The following KLHL29 variants were observed in gnomAD, a reference collection of about 807,000 sequenced individuals.
KLHL29 encodes kelch like family member 29, also known as kelch-like protein 29.
KLHL29 carries 21 observed loss-of-function variants against 80.4 expected under a neutral mutation model. The observed-to-expected ratio is 0.26, with a 90% CI of 0.19 to 0.38. The LOEUF (loss-of-function observed/expected upper bound fraction) is 0.38, where lower values mean the gene tolerates loss of function less well. Among genes scored for constraint, KLHL29 ranks in the 10% least tolerant of loss-of-function variants. The probability of loss-of-function intolerance (pLI) is 1.00; values close to 1 mark genes in which losing one functional copy is unlikely to be tolerated. For missense variants in KLHL29, 867 were observed against 1,223.9 expected (o/e 0.71, Z 4.35); for synonymous variants, 511 against 526.8 (o/e 0.97, Z 0.41).
chr2:23,511,661 A>G (rs1665775367), intron 2 of KLHL29, among the ~76,000 whole-genome samples: 1 of 152,218 alleles, frequency 6.6e-6, no homozygotes, highest in Non-Finnish European at 1.5e-5. Flanking sequence ...TTATCAAAAC[A>G]CAAATTTTGT....
chr2:23,403,668 A>G (rs1034621560), intron 1 of KLHL29, among the ~76,000 whole-genome samples: 16 of 152,112 alleles, frequency 1.1e-4, no homozygotes, highest in African/African-American at 3.6e-4. Context: ...GATGAAAACA[A>G]TAATACATCC....
At chr2:23,660,073 C>T (rs1192135848) in intron 5 of KLHL29, among the ~76,000 whole-genome samples, 1 of 152,172 alleles carries the variant, frequency 6.6e-6, no homozygotes, top group Admixed American at 6.5e-5. Flanking sequence ...CTCCAGAAAA[C>T]TTCCCTGGAC....
rs930934030 is a variant in KLHL29 at position 23,693,638 on chromosome 2, C to T, written c.1542+110C>T. The T allele has an allele frequency of 8.5e-6, 10 of 1,175,352 alleles. No individual in the cohort carries two copies. The African/African-American group carries it at 1.5e-4, about 18-fold the overall frequency. 72.8% of individuals were successfully genotyped at this position (1,175,352 alleles called of 1,614,324 possible). On this transcript the variant is annotated intron_variant, in intron 8 of 13. Transcript: ENST00000486442. ...GTGAACCTTCCTTGTCCTGCTCTCCCTAAGTGGCAGAGAGGTGAAGGGCGG... is the reference window on the plus strand; with the variant it reads ...GTGAACCTTCCTTGTCCTGCTCTCCTTAAGTGGCAGAGAGGTGAAGGGCGG...
rs1053035434 is a variant in KLHL29, at chr2:23,645,017, C to T, written c.940+2167C>T. On this transcript the variant is annotated intron_variant, in intron 5 of 13. Coordinates refer to ENST00000486442, the MANE Select transcript of KLHL29 (RefSeq NM_052920.2). ...TCCATGTAACTCGCTTCTCTATTTA[C>T]GGCCTCATCAGCTGATGGAGCCCCT... Among the ~76,000 whole-genome samples the T allele has an allele frequency of 2.6e-5, 4 of 152,222 alleles. 1 individual carries two copies. The highest frequency in any genetic ancestry group is 4.1e-4 in the South Asian group (2 of 4,832).
chr2:23,563,735 A>G (rs1667512385), intron 3 of KLHL29, among the ~76,000 whole-genome samples: 1 of 152,204 alleles, frequency 6.6e-6, no homozygotes, highest in Non-Finnish European at 1.5e-5. Flanking sequence ...AGAGCCTGGC[A>G]GAGGCTGAGA....
At chr2:23,400,273 T>C (rs1157614755) in intron 1 of KLHL29, among the ~76,000 whole-genome samples, 1 of 152,026 alleles carries the variant, frequency 6.6e-6, no homozygotes, top group Non-Finnish European at 1.5e-5. Flanking sequence ...CCAGGCAGGG[T>C]TTGGGTGGCC....
intron 2 of KLHL29, among the ~76,000 whole-genome samples, chr2:23,546,812 G>A (rs1440278838): frequency 6.6e-6 from 1 of 152,236 alleles, no homozygotes; most frequent in East Asian, 1.9e-4. Context: ...TTACCAGGAA[G>A]TGTCCAGATG....
intron 7 of KLHL29, among the ~76,000 whole-genome samples, chr2:23,692,177 T>C (rs1671654341): frequency 1.3e-5 from 2 of 152,268 alleles, no homozygotes; most frequent in Non-Finnish European, 2.9e-5. Context: ...GCATGTGCTC[T>C]GTTTGTGGGG....
intron 1 of KLHL29, among the ~76,000 whole-genome samples, chr2:23,421,380 C>T (rs1654733915): frequency 6.6e-6 from 1 of 152,202 alleles, no homozygotes; most frequent in African/African-American, 2.4e-5. Flanking sequence ...CCCTACAGAG[C>T]ACAGGGAAGT....
In KLHL29 at chr2:23,682,982, C is replaced by A. The variant is rs1054839190; in HGVS notation, c.941-1417C>A. ...CTCCAGGAGCCCCTCCCACCGTCTT[C>A]CTTGGTCTTCAGCAGAGCCCAGTGT... On this transcript the variant is annotated intron_variant, in intron 5 of 13. Coordinates refer to ENST00000486442, the MANE Select transcript of KLHL29 (RefSeq NM_052920.2). This position sits in a 1 kb window ranked among gnomAD's most constrained non-coding sequence, Gnocchi z 4.1. Among the ~76,000 whole-genome samples the A allele has an allele frequency of 1.3e-5, 2 of 152,252 alleles. No homozygotes were observed. Among genetic ancestry groups the A allele is most frequent in the African/African-American group, 4.8e-5 (2 of 41,470 alleles).
At chr2:23,451,138 C>T (rs1335579972) in intron 1 of KLHL29, among the ~76,000 whole-genome samples, 1 of 152,130 alleles carries the variant, frequency 6.6e-6, no homozygotes, top group Non-Finnish European at 1.5e-5. Context: ...TGAATCCTGG[C>T]TCCACATCCT....
At chr2:23,494,790 T>A (rs72848064) in intron 2 of KLHL29, among the ~76,000 whole-genome samples, 1,673 of 152,294 alleles carry the variant, frequency 0.011, 38 homozygotes, top group African/African-American at 0.038. Context: ...TCTCTCCCAC[T>A]TCTTGGTCCT....
At chr2:23,652,706 G>A (rs1271222907) in intron 5 of KLHL29, among the ~76,000 whole-genome samples, 1 of 152,136 alleles carries the variant, frequency 6.6e-6, no homozygotes, top group Non-Finnish European at 1.5e-5. Context: ...TATAATAATT[G>A]TGGCTTATTT....
chr2:23,532,656 G>A (rs1252819960), intron 2 of KLHL29: 8 of 456,684 alleles, frequency 1.8e-5, no homozygotes, highest in African/African-American at 4.0e-5. Context: ...AGGCCTGGGC[G>A]GTGGGGAGCT....
At chr2:23,586,945 G>A (rs769516317) in intron 3 of KLHL29, among the ~76,000 whole-genome samples, 20 of 152,150 alleles carry the variant, frequency 1.3e-4, no homozygotes, top group Non-Finnish European at 8.8e-5. Flanking sequence ...TTTGTTGGCC[G>A]GAAGGATATA....
intron 3 of KLHL29, among the ~76,000 whole-genome samples, chr2:23,611,678 A>G (rs1355374943): frequency 6.6e-6 from 1 of 152,162 alleles, no homozygotes; most frequent in Non-Finnish European, 1.5e-5. Flanking sequence ...CAGAAAATAG[A>G]AAGACCCATA....
At chr2:23,677,533 C>A (rs756690862) in intron 5 of KLHL29, among the ~76,000 whole-genome samples, 10 of 152,200 alleles carry the variant, frequency 6.6e-5, no homozygotes, top group African/African-American at 2.4e-4. Flanking sequence ...AGGTGCCGCC[C>A]GCAGGTGGTT....
In KLHL29 at chr2:23,701,191, T is replaced by TCTCCTTTAGCGCCAGC. The variant is rs1672343034; in HGVS notation, c.2106-1995_2106-1994insCTCCTTTAGCGCCAGC. ...CAGACCCTGAACCATCCTTGGCAAC[T>TCTCCTTTAGCGCCAGC]ATCTCAATGAGCAAACACACCCATT... is the stretch of plus-strand genomic sequence containing the variant. On this transcript the variant is annotated intron_variant, in intron 11 of 13. Transcript: ENST00000486442. Among the ~76,000 whole-genome samples the TCTCCTTTAGCGCCAGC allele has an allele frequency of 7.9e-4, 10 of 12,714 alleles. 1 individual carries two copies. In the Admixed American group the frequency reaches 0.014, roughly 17 times the overall value. 8.3% of individuals were successfully genotyped at this position (12,714 alleles called of 152,430 possible).
chr2:23,546,603 G>A (rs1370341490), intron 2 of KLHL29, among the ~76,000 whole-genome samples: 2 of 152,118 alleles, frequency 1.3e-5, no homozygotes, highest in Non-Finnish European at 2.9e-5. Context: ...AGGGAGCAGC[G>A]ATCCTAGAAG....
Sources: allele counts gnomAD v4.1 joint callset (sites outside exome capture counted in the v4.1 genomes callset), GRCh38; gene constraint gnomAD v4.1.1; non-coding constraint Gnocchi (gnomAD v3.1); transcripts MANE v1.5; gene names NCBI Gene and HGNC (gene_info 2026-07-23, HGNC 2026-07-21).